The following WDR27 variants were observed in gnomAD, a reference collection of about 807,000 sequenced individuals.
The protein encoded by WDR27 is WD repeat-containing protein 27.
Under a neutral mutation model 114.4 loss-of-function variants are expected in WDR27, and 100 were observed. That is an observed-to-expected ratio of 0.87 (90% CI 0.74 to 1.03). The LOEUF (loss-of-function observed/expected upper bound fraction) is 1.03. Ranked by LOEUF, WDR27 falls within the 50% of genes least tolerant of loss-of-function variation. WDR27 has a pLI of 0.00. For missense variants in WDR27, 1,129 were observed against 1,092.9 expected, an observed-to-expected ratio of 1.03 and a Z score of -0.47; for synonymous variants, 449 against 423.1, an observed-to-expected ratio of 1.06 and a Z score of -0.75.
At chr6:169,639,003 G>A (rs570044417) in intron 17 of WDR27, among the ~76,000 whole-genome samples, 6 of 151,626 alleles carry the variant, frequency 4.0e-5, no homozygotes, top group East Asian at 1.9e-4. Flanking sequence ...TGGGTACTGC[G>A]TGGTGCTGGA....
In WDR27 at chr6:169,534,034, G is replaced by C. The variant is rs370322110; in HGVS notation, c.2645+38385C>G. 2.0e-4 allele frequency among the ~76,000 whole-genome samples: 31 copies of C among 152,312 alleles called. No homozygotes were observed. In the East Asian group the frequency reaches 5.4e-3, roughly 27 times the overall value. Reference sequence around the variant, plus strand: ...ACTGCTGCTAGTCACAGGGTTCACAGGTGGCTTTATTAGGTTAAGGAAGCC... The same window carrying C: ...ACTGCTGCTAGTCACAGGGTTCACACGTGGCTTTATTAGGTTAAGGAAGCC... On this transcript the variant is annotated intron_variant, in intron 25 of 25. Transcript: ENST00000448612.
rs1562470036 is a variant in WDR27 at position 169,478,938 on chromosome 6, A to T, written c.2646-21304T>A. Among the ~76,000 whole-genome samples the T allele has an allele frequency of 2.0e-5, 3 of 152,216 alleles. No homozygotes were observed. The South Asian group carries it at 6.2e-4, about 32-fold the overall frequency. On this transcript the variant is annotated intron_variant, in intron 25 of 25. Transcript: ENST00000448612. Reference sequence around the variant, plus strand: ...AATGGACTAAAGATTTAAACGTAAGACTGTAAACTATTAAAATCCTGAAAG... The same window carrying T: ...AATGGACTAAAGATTTAAACGTAAGTCTGTAAACTATTAAAATCCTGAAAG...
At chr6:169,700,322 G>A (rs1212895595) in intron 1 of WDR27, among the ~76,000 whole-genome samples, 2 of 152,196 alleles carry the variant, frequency 1.3e-5, no homozygotes, top group African/African-American at 4.8e-5. Context: ...CTTGGGGTGG[G>A]GAGAGTGTGT....
chr6:169,698,087 G>A (rs949321064), intron 1 of WDR27, among the ~76,000 whole-genome samples: 5 of 152,164 alleles, frequency 3.3e-5, no homozygotes, highest in Non-Finnish European at 7.3e-5. Flanking sequence ...AAGCCAAGGA[G>A]GGAAGGAAGC....
chr6:169,485,747 T>G (rs1433009082), intron 25 of WDR27, among the ~76,000 whole-genome samples: 1 of 152,132 alleles, frequency 6.6e-6, no homozygotes, highest in African/African-American at 2.4e-5. Context: ...AGCAAAGATA[T>G]GGAATCAACT....
intron 23 of WDR27, among the ~76,000 whole-genome samples, chr6:169,600,467 T>G (rs912862024): frequency 1.3e-5 from 2 of 152,130 alleles, no homozygotes; most frequent in African/African-American, 4.8e-5. Flanking sequence ...GGACGGAGAA[T>G]GACTTTGACA....
chr6:169,680,725 A>T (rs1215815926), intron 2 of WDR27, among the ~76,000 whole-genome samples: 2 of 152,234 alleles, frequency 1.3e-5, no homozygotes, highest in African/African-American at 2.4e-5. Flanking sequence ...AAGTTGTGAG[A>T]GAGGAAATGA....
chr6:169,462,512 G>GAAAGAAAGAAAGAAAGAAAGAAAGAA (rs1562446813), intron 25 of WDR27, among the ~76,000 whole-genome samples: 3 of 151,918 alleles, frequency 2.0e-5, no homozygotes, highest in African/African-American at 7.3e-5. Flanking sequence ...AAGAAAGAAA[G>GAAAGAAAGAAAGAAAGAAAGAAAGAA]AGTAGATCCT....
intron 25 of WDR27, among the ~76,000 whole-genome samples, chr6:169,499,638 G>C (rs1343587244): frequency 1.3e-5 from 2 of 152,238 alleles, no homozygotes; most frequent in Non-Finnish European, 2.9e-5. Context: ...ACATTTGTGA[G>C]CACAGAACTG....
At position 169,591,173 on chromosome 6, in the gene WDR27, G is replaced by A. The variant is rs998827264; in HGVS notation, c.2425-8239C>T. ...TCTGATATTCTAACAGGTGTGAGGT[G>A]GTGTCTCAATATGGTTTTGACTTGC... On this transcript the variant is annotated intron_variant, in intron 23 of 25. Transcript: ENST00000448612. 7.9e-5 allele frequency among the ~76,000 whole-genome samples: 12 copies of A among 152,228 alleles called. No individual in the cohort carries two copies. The South Asian group carries it at 8.3e-4, about 11-fold the overall frequency.
chr6:169,635,904 A>G (rs1044059617), intron 19 of WDR27, among the ~76,000 whole-genome samples: 1 of 152,238 alleles, frequency 6.6e-6, no homozygotes, highest in African/African-American at 2.4e-5. Context: ...GGACTGGGAG[A>G]TAGGTTCCTA....
chr6:169,478,884 C>A (rs1298824379), intron 25 of WDR27, among the ~76,000 whole-genome samples: 3 of 152,176 alleles, frequency 2.0e-5, no homozygotes, highest in Admixed American at 6.5e-5. Flanking sequence ...AAGCTGGACT[C>A]CTTTCACCAT....
intron 19 of WDR27, among the ~76,000 whole-genome samples, chr6:169,635,355 A>T (rs1425636062): frequency 2.6e-5 from 4 of 152,244 alleles, no homozygotes; most frequent in African/African-American, 9.6e-5. Context: ...ACTGCACTCC[A>T]GCCTAGCGAC....
At chr6:169,485,541 C>T (rs533947500) in intron 25 of WDR27, among the ~76,000 whole-genome samples, 9 of 152,210 alleles carry the variant, frequency 5.9e-5, no homozygotes, top group South Asian at 4.2e-4. Flanking sequence ...GAAAAGGGAA[C>T]GCTTATACAC....
the WDR27 span, among the ~76,000 whole-genome samples, chr6:169,443,303 C>A: frequency 6.6e-6 from 1 of 152,160 alleles, no homozygotes; most frequent in Non-Finnish European, 1.5e-5. Flanking sequence ...TTGTTTAACT[C>A]TCCTGTTATT....
chr6:169,427,993 G>A, the WDR27 span, among the ~76,000 whole-genome samples: 1 of 152,068 alleles, frequency 6.6e-6, no homozygotes, highest in African/African-American at 2.4e-5. Flanking sequence ...GAGGGGTCCC[G>A]GAGAAAGCAG....
intron 25 of WDR27, among the ~76,000 whole-genome samples, chr6:169,570,098 G>A (rs1218442680): frequency 3.3e-5 from 5 of 152,118 alleles, no homozygotes; most frequent in East Asian, 3.9e-4. Flanking sequence ...CATGGTCTGC[G>A]GGGTCATAGT....
intron 25 of WDR27, among the ~76,000 whole-genome samples, chr6:169,469,256 C>CG (rs1489448151): frequency 6.6e-6 from 1 of 152,202 alleles, no homozygotes; most frequent in African/African-American, 2.4e-5. Flanking sequence ...ATCTAAATCT[C>CG]TATCTGTTAA....
At chr6:169,466,656 C>G (rs989102575) in intron 25 of WDR27, among the ~76,000 whole-genome samples, 1 of 152,138 alleles carries the variant, frequency 6.6e-6, no homozygotes, top group Non-Finnish European at 1.5e-5. Context: ...GGGGCAACCA[C>G]CCCCATGATC....
Sources: gnomAD v4.1 joint callset for allele counts (sites outside exome capture counted in the v4.1 genomes callset) on GRCh38, gnomAD v4.1.1 for gene constraint, MANE v1.5 for transcripts, NCBI Gene and HGNC (gene_info 2026-07-23, HGNC 2026-07-21) for gene names.